JADE3: variants seen among roughly 807,000 people sequenced by gnomAD.
JADE3 encodes protein Jade-3.
In JADE3, 2 loss-of-function variants were observed where a neutral mutation model predicts 50.1. The observed-to-expected ratio is 0.04, with a 90% confidence interval of 0.02 to 0.13. The LOEUF is 0.13. Among genes scored for constraint, JADE3 ranks in the 10% least tolerant of loss-of-function variants. The pLI, the probability that JADE3 is intolerant of heterozygous loss-of-function variation, is 1.00. For missense variants in JADE3, 475 were observed against 634.4 expected (o/e 0.75, Z 2.70); for synonymous variants, 218 against 232.9 (o/e 0.94, Z 0.58).
chrX:46,992,502 C>T, intron 3 of JADE3, among the ~76,000 whole-genome samples: 1 of 110,635 alleles, frequency 9.0e-6, no homozygotes. Context: ...AAATGCTCTG[C>T]CCTGTGTCTC....
At chrX:46,996,980 T>C (rs1556357560) in intron 3 of JADE3, among the ~76,000 whole-genome samples, 1 of 112,052 alleles carries the variant, frequency 8.9e-6, no homozygotes, top group African/African-American at 3.2e-5. Context: ...GCTTATGCTT[T>C]GTAATTAGAT....
At chrX:46,921,142 T>A (rs1236344824) in intron 1 of JADE3, among the ~76,000 whole-genome samples, 1 of 111,784 alleles carries the variant, frequency 8.9e-6, no homozygotes, top group Non-Finnish European at 1.9e-5. Context: ...AGTGGCCCCA[T>A]CATAGCTCAC....
chrX:47,037,856 C>T (rs1394074333), intron 7 of JADE3, among the ~76,000 whole-genome samples: 6 of 111,181 alleles, frequency 5.4e-5, no homozygotes, highest in Non-Finnish European at 9.4e-5. Flanking sequence ...CCCTGTTGTG[C>T]CATCAAATAG....
intron 1 of JADE3, among the ~76,000 whole-genome samples, chrX:46,937,359 T>C (rs1926651090): frequency 1.8e-5 from 2 of 111,343 alleles, no homozygotes; most frequent in Non-Finnish European, 3.8e-5. Context: ...GTCTATCTTA[T>C]TGAAAGAACA....
At chrX:47,008,266 G>T (rs782805758) in intron 4 of JADE3, among the ~76,000 whole-genome samples, 6 of 111,848 alleles carry the variant, frequency 5.4e-5, no homozygotes, top group Admixed American at 9.5e-5. Flanking sequence ...CCCAGAGGAA[G>T]TGATACTAGT....
intron 1 of JADE3, among the ~76,000 whole-genome samples, chrX:46,924,298 A>C (rs1473937668): frequency 8.9e-6 from 1 of 111,806 alleles, no homozygotes; most frequent in African/African-American, 3.3e-5. Context: ...ATGCCAGCTC[A>C]TACTCTGGTC....
At chrX:46,936,038 A>G (rs1187379766) in intron 1 of JADE3, among the ~76,000 whole-genome samples, 5 of 74,266 alleles carry the variant, frequency 6.7e-5, no homozygotes, top group African/African-American at 1.1e-4. Context: ...TTTTTTTTTG[A>G]GATAGAGTCT....
chrX:46,961,940 C>A (rs782193689), intron 1 of JADE3, among the ~76,000 whole-genome samples: 1 of 112,424 alleles, frequency 8.9e-6, no homozygotes, highest in African/African-American at 3.2e-5. Flanking sequence ...GCAAAAAATT[C>A]ACAAGCTCAA....
At chrX:46,966,646 A>G (rs1288794233) in intron 1 of JADE3, among the ~76,000 whole-genome samples, 2 of 112,095 alleles carry the variant, frequency 1.8e-5, no homozygotes, top group African/African-American at 6.5e-5. Context: ...TTTTCCAAGA[A>G]TTCTGGTGAG....
intron 1 of JADE3, among the ~76,000 whole-genome samples, chrX:46,984,153 C>CT (rs782173660): frequency 9.8e-5 from 11 of 112,009 alleles, no homozygotes; most frequent in Non-Finnish European, 1.9e-4. Flanking sequence ...CTGTGTCTTC[C>CT]TTTTTTCTTA....
At chrX:47,050,115 T>C (rs1409425699) in intron 8 of JADE3, among the ~76,000 whole-genome samples, 1 of 108,449 alleles carries the variant, frequency 9.2e-6, no homozygotes, top group African/African-American at 3.4e-5. Flanking sequence ...TTTATTTTTA[T>C]TAGAGACGAG....
At chrX:46,959,511 T>C (rs1378757891) in intron 1 of JADE3, among the ~76,000 whole-genome samples, 1 of 111,577 alleles carries the variant, frequency 9.0e-6, no homozygotes, top group African/African-American at 3.3e-5. Context: ...GAAGTGTCAA[T>C]GTGTAAGGAA....
intron 1 of JADE3, among the ~76,000 whole-genome samples, chrX:46,958,036 T>C (rs1019658905): frequency 1.8e-5 from 2 of 111,921 alleles, no homozygotes; most frequent in African/African-American, 6.5e-5. Flanking sequence ...TCTCTCACCC[T>C]TTCAATGGTC....
chrX:46,916,415 G>T (rs1454104729), intron 1 of JADE3, among the ~76,000 whole-genome samples: 9 of 111,970 alleles, frequency 8.0e-5, no homozygotes, highest in Non-Finnish European at 1.9e-5. Flanking sequence ...CTCAGTTGCA[G>T]CCACTGGGTA....
At chrX:46,967,693 A>G (rs1048785818) in intron 1 of JADE3, among the ~76,000 whole-genome samples, 12 of 111,743 alleles carry the variant, frequency 1.1e-4, no homozygotes. Flanking sequence ...AAATGACTGA[A>G]CTCAACTAAT....
At position 47,034,892 on chromosome X, in the gene JADE3, G is replaced by A. The variant is rs782456948; in HGVS notation, c.855+1104G>A. Among the ~76,000 whole-genome samples the A allele has an allele frequency of 3.0e-3, 327 of 109,722 alleles. 1 individual carries two copies. Among genetic ancestry groups the A allele is most frequent in the Non-Finnish European group, 4.7e-3 (249 of 52,653 alleles). On this transcript the variant is annotated intron_variant, in intron 7 of 10. Coordinates refer to ENST00000614628, the MANE Select transcript of JADE3 (RefSeq NM_014735.5). ...GCCTCCCAAAGTGCTGGGATTACAG[G>A]CGTGAGCCACTGCGCCCGGCCGATG...
At chrX:47,031,436 T>G (rs1886042670) in intron 6 of JADE3, among the ~76,000 whole-genome samples, 1 of 111,643 alleles carries the variant, frequency 9.0e-6, no homozygotes, top group East Asian at 2.8e-4. Flanking sequence ...ATAGGGGGCA[T>G]TCCAGGTAAA....
chrX:46,979,129 A>G (rs1437616288), intron 1 of JADE3, among the ~76,000 whole-genome samples: 2 of 111,988 alleles, frequency 1.8e-5, no homozygotes, highest in African/African-American at 6.5e-5. Flanking sequence ...CTCGTATTAG[A>G]TAATCTGTTT....
intron 8 of JADE3, among the ~76,000 whole-genome samples, chrX:47,043,808 G>T (rs1929317954): frequency 1.0e-5 from 1 of 100,436 alleles, no homozygotes; most frequent in Non-Finnish European, 2.0e-5. Flanking sequence ...GACAGAGTGA[G>T]ACTCTGTTTC....
Sources: gnomAD v4.1 joint callset for allele counts (sites outside exome capture counted in the v4.1 genomes callset) on GRCh38, gnomAD v4.1.1 for gene constraint, MANE v1.5 for transcripts, NCBI Gene and HGNC (gene_info 2026-07-23, HGNC 2026-07-21) for gene names.